The following LUZP2 variants were observed in gnomAD, a reference collection of about 807,000 sequenced individuals.
LUZP2 encodes leucine zipper protein 2.
LUZP2 carries 52 observed loss-of-function variants against 51.6 expected under a neutral mutation model. The ratio of observed to expected loss-of-function variants is 1.01; its 90% CI spans 0.81 to 1.27. The LOEUF (loss-of-function observed/expected upper bound fraction) is 1.27. Among genes scored for constraint, LUZP2 ranks in the 50% most tolerant of loss-of-function variants. The pLI is 0.00. For synonymous variants in LUZP2, 154 were observed against 137.3 expected, an observed-to-expected ratio of 1.12 and a Z score of -0.85; for missense variants, 436 against 395.4, an observed-to-expected ratio of 1.10 and a Z score of -0.87.
At chr11:24,601,888 GTATATA>G (rs34392590) in intron 1 of LUZP2, among the ~76,000 whole-genome samples, 4 of 104,248 alleles carry the variant, frequency 3.8e-5, no homozygotes, top group Non-Finnish European at 3.5e-5. Flanking sequence ...ATGTATATAT[GTATATA>G]TGTATATATG....
chr11:24,603,204 A>G (rs1036860742), intron 1 of LUZP2, among the ~76,000 whole-genome samples: 3 of 151,798 alleles, frequency 2.0e-5, no homozygotes, highest in African/African-American at 7.2e-5. Flanking sequence ...CAAGATGAGG[A>G]TGAAGTGGAG....
chr11:24,664,948 G>A (rs1219088413), intron 1 of LUZP2, among the ~76,000 whole-genome samples: 2 of 152,144 alleles, frequency 1.3e-5, no homozygotes, highest in African/African-American at 4.8e-5. Context: ...TCACTGCCTG[G>A]TGGAGCTATG....
intron 1 of LUZP2, among the ~76,000 whole-genome samples, chr11:24,509,754 A>C (rs1850249980): frequency 6.6e-6 from 1 of 151,898 alleles, no homozygotes; most frequent in East Asian, 1.9e-4. Context: ...TATCCTTGAA[A>C]GTAGGCTTAT....
At chr11:24,756,210 G>A (rs940338808) in intron 4 of LUZP2, among the ~76,000 whole-genome samples, 1 of 152,116 alleles carries the variant, frequency 6.6e-6, no homozygotes. Flanking sequence ...GAACCAATGT[G>A]TACCTCACAT....
chr11:24,825,593 A>G (rs1237765148), intron 5 of LUZP2, among the ~76,000 whole-genome samples: 1 of 152,212 alleles, frequency 6.6e-6, no homozygotes, highest in Non-Finnish European at 1.5e-5. Flanking sequence ...TCTCAAGGTG[A>G]AATAAGGTAG....
At chr11:24,516,255 A>C (rs1590125194) in intron 1 of LUZP2, among the ~76,000 whole-genome samples, 1 of 152,306 alleles carries the variant, frequency 6.6e-6, no homozygotes, top group African/African-American at 2.4e-5. Flanking sequence ...TGAATGTAAA[A>C]CCTAAAATTA....
At chr11:24,624,930 A>G (rs545479015) in intron 1 of LUZP2, among the ~76,000 whole-genome samples, 3 of 152,214 alleles carry the variant, frequency 2.0e-5, no homozygotes, top group South Asian at 2.1e-4. Context: ...GATCAAAGAT[A>G]GGAGGATAGG....
At chr11:24,519,208 C>G (rs1436350257) in intron 1 of LUZP2, among the ~76,000 whole-genome samples, 1 of 152,100 alleles carries the variant, frequency 6.6e-6, no homozygotes, top group Non-Finnish European at 1.5e-5. Context: ...TATATTTTGA[C>G]TACAAATCTT....
At chr11:24,994,427 C>T (rs1057307634) in intron 9 of LUZP2, among the ~76,000 whole-genome samples, 3 of 152,128 alleles carry the variant, frequency 2.0e-5, no homozygotes, top group African/African-American at 7.2e-5. Context: ...AATGGCCTGT[C>T]TAAATACAGT....
chr11:24,757,657 A>C (rs1401472832), intron 4 of LUZP2, among the ~76,000 whole-genome samples: 1 of 152,004 alleles, frequency 6.6e-6, no homozygotes, highest in Admixed American at 6.5e-5. Context: ...CTAAATCCTT[A>C]GTTCTTTGAA....
chr11:24,908,000 G>A (rs937355383), intron 6 of LUZP2, among the ~76,000 whole-genome samples: 5 of 151,740 alleles, frequency 3.3e-5, no homozygotes, highest in Non-Finnish European at 7.4e-5. Context: ...TAACATTCTC[G>A]GTAATGGGGC....
intron 1 of LUZP2, among the ~76,000 whole-genome samples, chr11:24,684,380 C>A (rs1183522738): frequency 6.6e-6 from 1 of 152,186 alleles, no homozygotes; most frequent in East Asian, 1.9e-4. Flanking sequence ...AACTAATTTA[C>A]ATATTTCCCT....
At chr11:25,005,686 C>G (rs1414766758) in intron 9 of LUZP2, among the ~76,000 whole-genome samples, 2 of 152,144 alleles carry the variant, frequency 1.3e-5, no homozygotes, top group Admixed American at 6.5e-5. Flanking sequence ...AATAGTTGTG[C>G]TCACCGACGC....
intron 5 of LUZP2, among the ~76,000 whole-genome samples, chr11:24,765,591 A>T (rs953394694): frequency 6.6e-6 from 1 of 151,474 alleles, no homozygotes; most frequent in Non-Finnish European, 1.5e-5. Flanking sequence ...AATGAGATAG[A>T]CAGCAACACA....
chr11:25,038,587 G>A (rs745925459), intron 9 of LUZP2, among the ~76,000 whole-genome samples: 3 of 152,042 alleles, frequency 2.0e-5, no homozygotes, highest in Non-Finnish European at 2.9e-5. Flanking sequence ...ACTGAGTTTC[G>A]ACTTTCTCCT....
chr11:25,081,410 C>T lies in LUZP2; in HGVS notation c.*2752C>T, dbSNP rs35162727. 6.7e-6 allele frequency: 1 copy of T among 149,946 alleles called. No individual in the cohort carries two copies. Among genetic ancestry groups the T allele is most frequent in the Non-Finnish European group, 1.5e-5 (1 of 67,636 alleles). The allele number at this position is 149,946 out of a possible 1,614,324, so 9.3% of individuals were successfully genotyped here. On this transcript the variant is annotated 3_prime_UTR_variant, in exon 12 of 12. Coordinates refer to ENST00000336930, the MANE Select transcript of LUZP2 (RefSeq NM_001009909.4). ...GTTTACTGTGTTATACTCATTGCAT[C>T]ATTTGTTTAAAAAAAAAAAAGAAAC... is the stretch of plus-strand genomic sequence containing the variant.
chr11:24,961,770 G>A (rs924130906), intron 7 of LUZP2, among the ~76,000 whole-genome samples: 44 of 150,920 alleles, frequency 2.9e-4, no homozygotes, highest in Non-Finnish European at 3.7e-4. Flanking sequence ...ATTGTTATGT[G>A]TGAATTTGAT....
chr11:24,678,254 G>C (rs1486819287), intron 1 of LUZP2, among the ~76,000 whole-genome samples: 2 of 151,980 alleles, frequency 1.3e-5, no homozygotes, highest in East Asian at 1.9e-4. Context: ...ATACGTTTTT[G>C]TATTATCTGT....
chr11:24,719,244 A>G (rs994952274), intron 1 of LUZP2, among the ~76,000 whole-genome samples: 1 of 152,264 alleles, frequency 6.6e-6, no homozygotes, highest in Admixed American at 6.5e-5. Flanking sequence ...TGAGAACCTG[A>G]ACTAGGATAG....
Sources: allele counts gnomAD v4.1 joint callset (sites outside exome capture counted in the v4.1 genomes callset), GRCh38; gene constraint gnomAD v4.1.1; transcripts MANE v1.5; gene names NCBI Gene and HGNC (gene_info 2026-07-23, HGNC 2026-07-21).